Variants in RC3H1 observed in about 807,000 individuals in gnomAD.
The protein encoded by RC3H1 is roquin-1.
A neutral mutation model predicts 138.2 loss-of-function variants in RC3H1; 50 were observed. That is an observed-to-expected ratio of 0.36 (90% CI 0.29 to 0.46). The LOEUF is 0.46. RC3H1 is among the 20% of genes least tolerant of loss of function. RC3H1 has a pLI of 1.00. For synonymous variants in RC3H1, 462 were observed against 489.1 expected (o/e 0.94, Z 0.73); for missense variants, 1,031 against 1,388.1 (o/e 0.74, Z 4.09).
At chr1:173,952,884 A>C (rs1025052591) in intron 13 of RC3H1, among the ~76,000 whole-genome samples, 2 of 152,234 alleles carry the variant, frequency 1.3e-5, no homozygotes, top group African/African-American at 4.8e-5. Flanking sequence ...TAGACAACAC[A>C]GATGATATGA....
chr1:174,017,458 T>C (rs1294443230), intron 1 of RC3H1, among the ~76,000 whole-genome samples: 1 of 152,158 alleles, frequency 6.6e-6, no homozygotes, highest in Admixed American at 6.5e-5. Context: ...AACAATCACA[T>C]CCCAAAGTTT....
rs1413361652 is a variant in RC3H1, at chr1:173,931,534, T to C, written c.*7187A>G. 3 of 151,902 alleles carry C rather than the reference T, an allele frequency of 2.0e-5. No individual in the cohort carries two copies. The highest frequency in any genetic ancestry group is 4.4e-5 in the Non-Finnish European group (3 of 68,030). 9.4% of individuals were successfully genotyped at this position (151,902 alleles called of 1,614,324 possible). On this transcript the variant is annotated 3_prime_UTR_variant, in exon 20 of 20. Transcript: ENST00000367696. Reference sequence around the variant, plus strand: ...GGCAACAAGTGGGAACATGTACTTATTTAGACCCAGAGTTCTGCTGCCCTA... The same window carrying C: ...GGCAACAAGTGGGAACATGTACTTACTTAGACCCAGAGTTCTGCTGCCCTA...
At chr1:173,970,947 G>T (rs1046251966) in intron 8 of RC3H1, among the ~76,000 whole-genome samples, 4 of 148,728 alleles carry the variant, frequency 2.7e-5, no homozygotes, top group African/African-American at 9.9e-5. Flanking sequence ...GGGACACTAT[G>T]ATCTCATTTC....
chr1:173,978,172 G>A (rs1022153858), intron 7 of RC3H1, among the ~76,000 whole-genome samples: 2 of 152,094 alleles, frequency 1.3e-5, no homozygotes, highest in Non-Finnish European at 2.9e-5. Flanking sequence ...TGAGAAAAAC[G>A]AGATTTGGAA....
intron 17 of RC3H1, among the ~76,000 whole-genome samples, chr1:173,945,085 T>G (rs750983916): frequency 6.6e-6 from 1 of 152,034 alleles, no homozygotes; most frequent in Non-Finnish European, 1.5e-5. Flanking sequence ...AAACAAAACC[T>G]AGTCTTCCTT....
intron 2 of RC3H1, among the ~76,000 whole-genome samples, chr1:173,991,706 T>C (rs1661291851): frequency 6.6e-6 from 1 of 152,222 alleles, no homozygotes; most frequent in African/African-American, 2.4e-5. Flanking sequence ...TCTGTGTCTA[T>C]TGAGATGATC....
chr1:173,959,756 C>T (rs919905841), intron 13 of RC3H1, among the ~76,000 whole-genome samples: 9 of 149,502 alleles, frequency 6.0e-5, no homozygotes, highest in African/African-American at 2.2e-4. Flanking sequence ...GGCGAAAGAG[C>T]AACACTCTGT....
chr1:173,932,601 T>C lies in RC3H1; in HGVS notation c.*6120A>G, dbSNP rs1453141291. 6.6e-6 allele frequency: 1 copy of C among 151,964 alleles called. No individual in the cohort carries two copies. The highest frequency in any genetic ancestry group is 1.5e-5 in the Non-Finnish European group (1 of 67,948). 9.4% of individuals were successfully genotyped at this position (151,964 alleles called of 1,614,324 possible). A position where few individuals can be genotyped will look rare whatever the true frequency, so the allele number is the denominator to read the frequency against. ...AAAAAGGATGAACAGGGGAGAAGTG[T>C]GAAAATTTAGGCCAACGATCCATCT... On this transcript the variant is annotated 3_prime_UTR_variant, in exon 20 of 20. Coordinates refer to ENST00000367696, the MANE Select transcript of RC3H1 (RefSeq NM_172071.4).
At chr1:174,010,111 C>T (rs1262164402) in intron 1 of RC3H1, among the ~76,000 whole-genome samples, 1 of 151,948 alleles carries the variant, frequency 6.6e-6, no homozygotes, top group African/African-American at 2.4e-5. Flanking sequence ...TTCTGGTAAT[C>T]ATGCCTGATG....
chr1:173,951,786 C>T (rs1012728588), intron 14 of RC3H1, among the ~76,000 whole-genome samples, 200 bp downstream of exon 14: 8 of 151,586 alleles, frequency 5.3e-5, no homozygotes, highest in Non-Finnish European at 1.0e-4. Flanking sequence ...TGCTCTGTCT[C>T]GGTAAGTATT....
chr1:173,964,318 A>G (rs923503258), intron 10 of RC3H1, 131 bp from the exon 11 acceptor site: 6 of 684,648 alleles, frequency 8.8e-6, no homozygotes, highest in Non-Finnish European at 1.5e-5. Context: ...CAAAATTTGC[A>G]ATTTTTAAAT....
In RC3H1 at chr1:173,938,388, G is replaced by A. The variant is rs1474787892; in HGVS notation, c.*333C>T. The A allele has an allele frequency of 6.0e-6, 1 of 166,648 alleles. No individual in the cohort carries two copies. The highest frequency in any genetic ancestry group is 1.3e-5 in the Non-Finnish European group (1 of 77,738). The allele number at this position is 166,648 out of a possible 1,614,324, so 10.3% of individuals were successfully genotyped here. ...AAGATCATACAATTAATCAAACAGAGTGTATATATAATATCTTTTTTTTTT... is the reference window on the plus strand; with the variant it reads ...AAGATCATACAATTAATCAAACAGAATGTATATATAATATCTTTTTTTTTT... On this transcript the variant is annotated 3_prime_UTR_variant, in exon 20 of 20. Transcript: ENST00000367696.
intron 1 of RC3H1, among the ~76,000 whole-genome samples, chr1:173,994,058 AG>A (rs900824234): frequency 9.0e-5 from 13 of 144,232 alleles, no homozygotes; most frequent in Non-Finnish European, 1.8e-4. Context: ...TTGTTGGGGA[AG>A]GGGGTAGAGG....
chr1:173,953,475 T>C (rs566578849), intron 13 of RC3H1, among the ~76,000 whole-genome samples: 6 of 152,202 alleles, frequency 3.9e-5, no homozygotes, highest in African/African-American at 1.2e-4. Context: ...TTCACCATGT[T>C]GGCCAGGCTG....
At chr1:174,009,424 T>C (rs1420027210) in intron 1 of RC3H1, 1 of 152,286 alleles carries the variant, frequency 6.6e-6, no homozygotes, top group African/African-American at 2.4e-5. Flanking sequence ...CAACCACATG[T>C]TAAACTGCAT....
At chr1:173,951,965 T>C (rs573157150) in intron 14 of RC3H1, 21 bp downstream of exon 14, 1 of 1,577,538 alleles carries the variant, frequency 6.3e-7, no homozygotes, top group Admixed American at 1.9e-5. Context: ...GTATTAATTA[T>C]TGCTTAGCTA....
chr1:173,970,644 G>A (rs1208314336), intron 8 of RC3H1, 27 bp from the exon 9 acceptor site: 6 of 1,421,832 alleles, frequency 4.2e-6, no homozygotes, highest in Non-Finnish European at 5.9e-6. Context: ...AACATTAGAT[G>A]TGTAATAACC....
chr1:173,958,190 A>G (rs1331239158), intron 13 of RC3H1, among the ~76,000 whole-genome samples: 1 of 152,164 alleles, frequency 6.6e-6, no homozygotes, highest in Non-Finnish European at 1.5e-5. Context: ...AAAAAAAAAT[A>G]CAAACTATAA....
chr1:173,947,684 T>TCTTTA, intron 14 of RC3H1, 102 bp from the exon 15 acceptor site: 1 of 798,988 alleles, frequency 1.3e-6, no homozygotes, highest in Non-Finnish European at 2.1e-6. Context: ...ACAGCACTCT[T>TCTTTA]ACTGGTAAGA....
Sources: gnomAD v4.1 joint callset for allele counts (sites outside exome capture counted in the v4.1 genomes callset) on GRCh38, gnomAD v4.1.1 for gene constraint, MANE v1.5 for transcripts, NCBI Gene and HGNC (gene_info 2026-07-23, HGNC 2026-07-21) for gene names.